Variants in KSR2 observed in about 807,000 individuals in gnomAD.
The protein encoded by KSR2 is kinase suppressor of ras 2.
A neutral mutation model predicts 107.8 loss-of-function variants in KSR2; 25 were observed. The ratio of observed to expected loss-of-function variants is 0.23; its 90% CI spans 0.17 to 0.32. The LOEUF (loss-of-function observed/expected upper bound fraction) is 0.32. KSR2 is among the 10% of genes least tolerant of loss of function. The pLI, the probability that KSR2 is intolerant of heterozygous loss-of-function variation, is 1.00. For synonymous variants in KSR2, 480 were observed against 507.0 expected, an observed-to-expected ratio of 0.95 and a Z score of 0.71; for missense variants, 887 against 1,268.9, an observed-to-expected ratio of 0.70 and a Z score of 4.57.
At chr12:117,556,894 C>T (rs575759563) in intron 8 of KSR2, among the ~76,000 whole-genome samples, 11 of 152,244 alleles carry the variant, frequency 7.2e-5, no homozygotes, top group African/African-American at 2.4e-4. Flanking sequence ...GGGCCAGGCG[C>T]GGTGGCTCAC....
intron 5 of KSR2, among the ~76,000 whole-genome samples, chr12:117,621,986 C>T (rs1348253929): frequency 2.0e-5 from 3 of 152,050 alleles, no homozygotes; most frequent in Non-Finnish European, 4.4e-5. Context: ...GATGCATTTG[C>T]ACATCCTATT....
intron 3 of KSR2, among the ~76,000 whole-genome samples, chr12:117,803,363 G>C (rs994375631): frequency 6.6e-6 from 1 of 152,184 alleles, no homozygotes; most frequent in African/African-American, 2.4e-5. Flanking sequence ...GGAGCACCAA[G>C]ATGTTTCCTA....
intron 10 of KSR2, among the ~76,000 whole-genome samples, chr12:117,537,076 G>A (rs1876105911): frequency 6.6e-6 from 1 of 152,156 alleles, no homozygotes; most frequent in African/African-American, 2.4e-5. Flanking sequence ...AGCTGAGTGT[G>A]GTGGTGTGCA....
chr12:117,702,119 G>A lies in KSR2; in HGVS notation c.987-34461C>T, dbSNP rs556242988. On this transcript the variant is annotated intron_variant, in intron 4 of 19. Coordinates refer to ENST00000339824, the MANE Select transcript of KSR2 (RefSeq NM_173598.6). ...TGCCCACTCCAGGGCCTTTGCACAT[G>A]CTGTTGCCCTTGTCTGCTCCCCAGT... is the stretch of plus-strand genomic sequence containing the variant. 2.0e-5 allele frequency among the ~76,000 whole-genome samples: 3 copies of A among 152,302 alleles called. No homozygotes were observed. In the East Asian group the frequency reaches 5.8e-4, roughly 29 times the overall value.
At chr12:117,913,770 A>C (rs1242783500) in intron 1 of KSR2, among the ~76,000 whole-genome samples, 1 of 152,146 alleles carries the variant, frequency 6.6e-6, no homozygotes, top group East Asian at 1.9e-4. Context: ...GTAAGACAAT[A>C]AATTTCAGTT....
intron 1 of KSR2, among the ~76,000 whole-genome samples, chr12:117,917,805 G>A (rs1217079307): frequency 7.9e-5 from 12 of 152,140 alleles, no homozygotes; most frequent in African/African-American, 2.4e-5. Flanking sequence ...CCCATCACCC[G>A]AGGATGAAAA....
intron 18 of KSR2, 74 bp downstream of exon 18, chr12:117,471,117 T>C (rs756595099): frequency 3.4e-5 from 53 of 1,557,970 alleles, no homozygotes; most frequent in Middle Eastern, 1.7e-4. Flanking sequence ...CCTTAACACA[T>C]AGTAAAAAGA....
intron 4 of KSR2, among the ~76,000 whole-genome samples, chr12:117,711,297 T>C (rs1593157270): frequency 6.6e-6 from 1 of 152,128 alleles, no homozygotes; most frequent in Non-Finnish European, 1.5e-5. Flanking sequence ...TGGCTGAAAC[T>C]GAGATCAGAA....
intron 5 of KSR2, among the ~76,000 whole-genome samples, chr12:117,618,561 C>T (rs1293708382): frequency 6.6e-6 from 1 of 151,990 alleles, no homozygotes; most frequent in African/African-American, 2.4e-5. Context: ...ATTGTAGCTC[C>T]CATAATTCCC....
At chr12:117,817,164 T>C (rs1891401477) in intron 3 of KSR2, among the ~76,000 whole-genome samples, 1 of 152,188 alleles carries the variant, frequency 6.6e-6, no homozygotes, top group South Asian at 2.1e-4. Flanking sequence ...TGAAAAAGTT[T>C]CAATAAGCCA....
chr12:117,495,277 C>T (rs1338567478), intron 14 of KSR2, among the ~76,000 whole-genome samples: 1 of 152,236 alleles, frequency 6.6e-6, no homozygotes, highest in African/African-American at 2.4e-5. Context: ...AGGTCGCACA[C>T]TCCATCAAAT....
At chr12:117,950,765 A>AATAATG (rs1233064505) in intron 1 of KSR2, among the ~76,000 whole-genome samples, 1 of 148,518 alleles carries the variant, frequency 6.7e-6, no homozygotes, top group Admixed American at 6.8e-5. Context: ...TAATAATAAT[A>AATAATG]ATAATGATAA....
intron 6 of KSR2, among the ~76,000 whole-genome samples, chr12:117,579,871 C>T (rs1386886089): frequency 1.3e-5 from 2 of 152,164 alleles, no homozygotes; most frequent in African/African-American, 2.4e-5. Flanking sequence ...CTGTGTACAG[C>T]GATAAACCAA....
chr12:117,860,494 C>T (rs1331408642), intron 1 of KSR2, 63 bp from the exon 2 acceptor site: 4 of 1,491,418 alleles, frequency 2.7e-6, no homozygotes, highest in Non-Finnish European at 3.6e-6. Flanking sequence ...GGAAGAGAGG[C>T]GAGAACCCCC....
intron 4 of KSR2, among the ~76,000 whole-genome samples, chr12:117,718,850 C>G (rs191467583): frequency 2.6e-5 from 4 of 152,140 alleles, no homozygotes; most frequent in African/African-American, 9.7e-5. Context: ...CGCTATGTCC[C>G]CTCTGCCATA....
chr12:117,557,638 A>G (rs1877801084), intron 8 of KSR2, among the ~76,000 whole-genome samples: 1 of 152,234 alleles, frequency 6.6e-6, no homozygotes, highest in Non-Finnish European at 1.5e-5. Context: ...CTGTACCAGT[A>G]TAAGCCCTTG....
intron 1 of KSR2, among the ~76,000 whole-genome samples, chr12:117,961,380 G>A (rs1053292424): frequency 6.6e-6 from 1 of 152,020 alleles, no homozygotes; most frequent in Non-Finnish European, 1.5e-5. Context: ...GACATTTAGG[G>A]GTCTATTTCT....
At chr12:117,697,709 T>C (rs1041881686) in intron 4 of KSR2, among the ~76,000 whole-genome samples, 6 of 137,240 alleles carry the variant, frequency 4.4e-5, no homozygotes, top group Non-Finnish European at 9.1e-5. Context: ...CACTGCACCC[T>C]AGCCTGGGCA....
chr12:117,918,991 T>C (rs1213854172), intron 1 of KSR2, among the ~76,000 whole-genome samples: 1 of 151,724 alleles, frequency 6.6e-6, no homozygotes, highest in African/African-American at 2.4e-5. Context: ...AAAAATTAGC[T>C]GGGTGTGGTG....
Sources: gnomAD v4.1 joint callset for allele counts (sites outside exome capture counted in the v4.1 genomes callset) on GRCh38, gnomAD v4.1.1 for gene constraint, MANE v1.5 for transcripts, NCBI Gene and HGNC (gene_info 2026-07-23, HGNC 2026-07-21) for gene names.